ACACA: variants seen among roughly 807,000 people sequenced by gnomAD.
ACACA encodes the protein acetyl-CoA carboxylase 1.
In ACACA, 103 loss-of-function variants were observed where a neutral mutation model predicts 296.1. That is an observed-to-expected ratio of 0.35 (90% confidence interval 0.30 to 0.41). ACACA has a LOEUF of 0.41. ACACA is among the 10% of genes least tolerant of loss of function. ACACA has a pLI of 1.00. For synonymous variants in ACACA, 953 were observed against 1,038.6 expected (o/e 0.92, Z 1.58); for missense variants, 1,554 against 2,989.7 (o/e 0.52, Z 11.20).
rs551297794 is a variant in ACACA at position 37,247,821 on chromosome 17, T to C, written c.2309+190A>G. The stretch of plus-strand genomic sequence containing the variant: ...TCATTGTCCACATACACTGGAGTGG[T>C]AGGGAGACATGTTTTTAATTATAAA... On this transcript the variant is annotated intron_variant, in intron 18 of 55. Transcript: ENST00000616317. 3.7e-5 allele frequency: 24 copies of C among 643,626 alleles called. No homozygotes were observed. In the South Asian group the frequency reaches 4.5e-4, roughly 12 times the overall value. The allele number at this position is 643,626 out of a possible 1,614,324, so 39.9% of individuals were successfully genotyped here.
intron 3 of ACACA, among the ~76,000 whole-genome samples, chr17:37,323,935 T>A (rs2147148263): frequency 6.6e-6 from 1 of 152,256 alleles, no homozygotes; most frequent in Non-Finnish European, 1.5e-5. Flanking sequence ...AATCATACAC[T>A]GGTTATCAAA....
At chr17:37,299,329 C>G (rs2083504710) in intron 3 of ACACA, 1 of 1,613,790 alleles carries the variant, frequency 6.2e-7, no homozygotes, top group Non-Finnish European at 8.5e-7. Context: ...GGAGAACCCT[C>G]CATATCAAGA....
At chr17:37,219,384 C>T (rs1465333065) in intron 29 of ACACA, among the ~76,000 whole-genome samples, 1 of 152,122 alleles carries the variant, frequency 6.6e-6, no homozygotes, top group Non-Finnish European at 1.5e-5. Context: ...AGTGCTTGAA[C>T]TCTGTGAGTT....
intron 41 of ACACA, among the ~76,000 whole-genome samples, chr17:37,167,629 A>G (rs1385706172): frequency 3.4e-5 from 5 of 148,580 alleles, no homozygotes; most frequent in Admixed American, 1.4e-4. Flanking sequence ...AAGAAATGGC[A>G]TTTTCTTTAC....
intron 41 of ACACA, chr17:37,162,781 G>A (rs1337490250): frequency 2.8e-5 from 5 of 177,788 alleles, no homozygotes; most frequent in Non-Finnish European, 5.9e-5. Flanking sequence ...AAGATAAGGA[G>A]TCTTCAGGGA....
intron 1 of ACACA, among the ~76,000 whole-genome samples, chr17:37,356,923 C>T (rs2049168406): frequency 6.6e-6 from 1 of 152,012 alleles, no homozygotes; most frequent in Non-Finnish European, 1.5e-5. Flanking sequence ...TAAACCAGTC[C>T]ACGTGACAGG....
chr17:37,278,349 C>G (rs1347327563), intron 5 of ACACA, among the ~76,000 whole-genome samples: 1 of 152,152 alleles, frequency 6.6e-6, no homozygotes, highest in Non-Finnish European at 1.5e-5. Context: ...AGAAAAAGTT[C>G]TAGTCCTGAC....
chr17:37,198,361 A>G (rs1173096984), intron 35 of ACACA, among the ~76,000 whole-genome samples: 1 of 152,198 alleles, frequency 6.6e-6, no homozygotes, highest in Non-Finnish European at 1.5e-5. Flanking sequence ...TATTCCCTAG[A>G]ATATGCTGTT....
At chr17:37,252,373 T>C (rs1372497453) in intron 15 of ACACA, among the ~76,000 whole-genome samples, 1 of 152,180 alleles carries the variant, frequency 6.6e-6, no homozygotes, top group East Asian at 1.9e-4. Flanking sequence ...AGCTCAAAAA[T>C]AGGCTTCTGA....
chr17:37,122,631 A>G lies in ACACA; in HGVS notation c.6042-4T>C, dbSNP rs779814030. ...TCCCACAGGTATTCCTCCTAGCCTG[A>G]TAAAACATGAGTCACATAAGAACCC... On this transcript the variant is annotated splice_region_variant and splice_polypyrimidine_tract_variant and intron_variant, in intron 48 of 55. Coordinates refer to ENST00000616317, the MANE Select transcript of ACACA (RefSeq NM_198834.3). 4.3e-6 allele frequency: 7 copies of G among 1,613,206 alleles called. No homozygotes were observed. Among genetic ancestry groups the G allele is most frequent in the Non-Finnish European group, 4.2e-6 (5 of 1,179,098 alleles).
chr17:37,172,517 A>AT (rs374679423), intron 41 of ACACA, among the ~76,000 whole-genome samples: 7 of 152,330 alleles, frequency 4.6e-5, no homozygotes, highest in Non-Finnish European at 1.0e-4. Flanking sequence ...TTGGAAGATC[A>AT]TTTTAGACAA....
chr17:37,292,309 G>C (rs2083107964), intron 3 of ACACA, among the ~76,000 whole-genome samples: 1 of 152,120 alleles, frequency 6.6e-6, no homozygotes, highest in Non-Finnish European at 1.5e-5. Flanking sequence ...AGTCTTTCAA[G>C]GTTTACCCTT....
At chr17:37,230,761 A>C (rs553350328) in intron 25 of ACACA, among the ~76,000 whole-genome samples, 364 of 152,286 alleles carry the variant, frequency 2.4e-3, no homozygotes, top group Non-Finnish European at 3.6e-3. Context: ...TCACCATCTA[A>C]TCCTGGTGAA....
intron 29 of ACACA, among the ~76,000 whole-genome samples, chr17:37,213,164 C>T (rs763026550): frequency 6.6e-6 from 1 of 151,390 alleles, no homozygotes; most frequent in Non-Finnish European, 1.5e-5. Context: ...CACACACACA[C>T]ACACACATAC....
chr17:37,131,997 C>T (rs1470373533), intron 45 of ACACA, among the ~76,000 whole-genome samples: 1 of 152,202 alleles, frequency 6.6e-6, no homozygotes. Context: ...GGCACTGCGG[C>T]TCTTTTCTCA....
At chr17:37,121,121 G>T (rs2074507551) in intron 50 of ACACA, among the ~76,000 whole-genome samples, 1 of 152,178 alleles carries the variant, frequency 6.6e-6, no homozygotes, top group Non-Finnish European at 1.5e-5. Context: ...ATCCACAACA[G>T]TAGGTCACCT....
intron 1 of ACACA, among the ~76,000 whole-genome samples, chr17:37,348,241 A>T (rs960767630): frequency 6.6e-6 from 1 of 152,178 alleles, no homozygotes; most frequent in African/African-American, 2.4e-5. Context: ...TCTAAGTAAC[A>T]GAAGCTCCCA....
intron 35 of ACACA, among the ~76,000 whole-genome samples, chr17:37,198,708 T>C (rs1240813293): frequency 6.6e-6 from 1 of 152,204 alleles, no homozygotes; most frequent in African/African-American, 2.4e-5. Context: ...TCCACAACAT[T>C]TCCTAAAGCA....
At chr17:37,334,486 G>A (rs1378664362) in intron 2 of ACACA, among the ~76,000 whole-genome samples, 10 of 152,014 alleles carry the variant, frequency 6.6e-5, no homozygotes, top group Admixed American at 6.6e-5. Flanking sequence ...CTACCCTAAC[G>A]GCAGTTAAAG....
Sources: allele counts gnomAD v4.1 joint callset (sites outside exome capture counted in the v4.1 genomes callset), GRCh38; gene constraint gnomAD v4.1.1; transcripts MANE v1.5; gene names NCBI Gene and HGNC (gene_info 2026-07-23, HGNC 2026-07-21).